Variants in PCDH7 observed in about 807,000 individuals in gnomAD.
PCDH7 encodes the protein protocadherin 7.
A neutral mutation model predicts 58.9 loss-of-function variants in PCDH7; 17 were observed. The observed-to-expected ratio is 0.29, with a 90% CI of 0.20 to 0.43. PCDH7 has a LOEUF of 0.43. Ranked by LOEUF, PCDH7 falls within the 20% of genes least tolerant of loss-of-function variation. PCDH7 has a pLI of 1.00. For missense variants in PCDH7, 1,274 were observed against 1,441.0 expected, an observed-to-expected ratio of 0.88 and a Z score of 1.88; for synonymous variants, 664 against 616.4, an observed-to-expected ratio of 1.08 and a Z score of -1.14.
chr4:31,128,877 G>A (rs2109333837), intron 3 of PCDH7, among the ~76,000 whole-genome samples: 1 of 152,290 alleles, frequency 6.6e-6, no homozygotes, highest in South Asian at 2.1e-4. Flanking sequence ...GGTCCTAAAA[G>A]GGGATGAGGA....
chr4:30,796,695 A>T (rs910992243), intron 1 of PCDH7, among the ~76,000 whole-genome samples: 1 of 152,154 alleles, frequency 6.6e-6, no homozygotes, highest in African/African-American at 2.4e-5. Context: ...TAATACGTAA[A>T]TTTTAAATGT....
chr4:31,002,080 C>T (rs1211896621), intron 3 of PCDH7, among the ~76,000 whole-genome samples: 1 of 152,144 alleles, frequency 6.6e-6, no homozygotes. Context: ...CCATAGATAA[C>T]AATTGCTCCC....
chr4:30,814,428 GTTTA>G (rs1727417317), intron 1 of PCDH7, among the ~76,000 whole-genome samples: 1 of 151,936 alleles, frequency 6.6e-6, no homozygotes, highest in South Asian at 2.1e-4. Flanking sequence ...AGCTCCTTTA[GTTTA>G]TTTTACTCTT....
chr4:30,808,969 T>G (rs145391401), intron 1 of PCDH7, among the ~76,000 whole-genome samples: 1 of 152,302 alleles, frequency 6.6e-6, no homozygotes, highest in East Asian at 1.9e-4. Context: ...GTAATTCTAT[T>G]AACAGTTTCT....
At chr4:30,867,038 T>C (rs1734969378) in intron 1 of PCDH7, among the ~76,000 whole-genome samples, 1 of 152,086 alleles carries the variant, frequency 6.6e-6, no homozygotes, top group South Asian at 2.1e-4. Flanking sequence ...GAAAATTGTT[T>C]TCTACACCTT....
At chr4:31,039,950 T>C (rs1371193394) in intron 3 of PCDH7, among the ~76,000 whole-genome samples, 3 of 152,110 alleles carry the variant, frequency 2.0e-5, no homozygotes, top group Non-Finnish European at 2.9e-5. Context: ...CTGCACTCAG[T>C]TTAAAGGTTA....
At chr4:31,010,023 T>A (rs940582817) in intron 3 of PCDH7, among the ~76,000 whole-genome samples, 2 of 152,000 alleles carry the variant, frequency 1.3e-5, no homozygotes, top group Non-Finnish European at 1.5e-5. Context: ...TACTGAATCA[T>A]AAGATTTCAA....
chr4:31,069,272 C>G (rs966239603), intron 3 of PCDH7, among the ~76,000 whole-genome samples: 5 of 152,002 alleles, frequency 3.3e-5, no homozygotes, highest in African/African-American at 9.7e-5. Context: ...AACACTAATG[C>G]ATGGAGAAAC....
intron 1 of PCDH7, among the ~76,000 whole-genome samples, chr4:30,795,145 A>G (rs974500029): frequency 2.0e-5 from 3 of 152,106 alleles, no homozygotes; most frequent in East Asian, 3.9e-4. Context: ...GTGTTTGTTT[A>G]TTTATTTGTA....
intron 3 of PCDH7, among the ~76,000 whole-genome samples, chr4:30,979,037 A>T (rs1750316696): frequency 6.6e-6 from 1 of 152,162 alleles, no homozygotes; most frequent in Non-Finnish European, 1.5e-5. Context: ...GTGAGAAAAG[A>T]TTAGTGAGGC....
intron 1 of PCDH7, among the ~76,000 whole-genome samples, chr4:30,754,829 G>A (rs1719063657): frequency 6.6e-6 from 1 of 151,946 alleles, no homozygotes; most frequent in Non-Finnish European, 1.5e-5. Flanking sequence ...ATTTTTGATG[G>A]GTGTACCTAA....
At chr4:31,009,422 T>G (rs1753011003) in intron 3 of PCDH7, among the ~76,000 whole-genome samples, 1 of 151,946 alleles carries the variant, frequency 6.6e-6, no homozygotes. Flanking sequence ...TACATTCACA[T>G]ACACACAGAG....
intron 3 of PCDH7, among the ~76,000 whole-genome samples, chr4:31,068,815 G>T (rs550121746): frequency 6.6e-6 from 1 of 151,918 alleles, no homozygotes; most frequent in Middle Eastern, 3.2e-3. Context: ...TTGTTCCAGG[G>T]ATAGATTATA....
chr4:31,098,679 G>A (rs1256335098), intron 3 of PCDH7, among the ~76,000 whole-genome samples: 1 of 152,102 alleles, frequency 6.6e-6, no homozygotes, highest in Non-Finnish European at 1.5e-5. Context: ...AAGAAAGTGA[G>A]CCTTGTTTCC....
intron 1 of PCDH7, among the ~76,000 whole-genome samples, chr4:30,866,729 G>A (rs373808227): frequency 6.6e-6 from 1 of 150,748 alleles, no homozygotes; most frequent in African/African-American, 2.4e-5. Context: ...TCCTTTTGAT[G>A]TGTTTTTACT....
chr4:31,062,185 C>T (rs572408662), intron 3 of PCDH7, among the ~76,000 whole-genome samples: 4 of 151,660 alleles, frequency 2.6e-5, no homozygotes, highest in South Asian at 4.1e-4. Context: ...AGTATGATAA[C>T]CATCTATTAC....
intron 1 of PCDH7, among the ~76,000 whole-genome samples, chr4:30,865,633 A>G (rs1397043565): frequency 6.6e-6 from 1 of 152,080 alleles, no homozygotes; most frequent in Non-Finnish European, 1.5e-5. Flanking sequence ...ATTCTTAATA[A>G]TTTACAGTGT....
chr4:30,787,785 G>T (rs1040266663), intron 1 of PCDH7, among the ~76,000 whole-genome samples: 2 of 152,016 alleles, frequency 1.3e-5, no homozygotes, highest in African/African-American at 2.4e-5. Context: ...ATGTGTGCGT[G>T]TACAAGTGGA....
intron 1 of PCDH7, among the ~76,000 whole-genome samples, chr4:30,836,882 A>G (rs1577992666): frequency 6.6e-6 from 1 of 152,188 alleles, no homozygotes; most frequent in Admixed American, 6.5e-5. Context: ...TTTTATTTCA[A>G]CAGCCAAGCC....
Sources: gnomAD v4.1 joint callset for allele counts (sites outside exome capture counted in the v4.1 genomes callset) on GRCh38, gnomAD v4.1.1 for gene constraint, MANE v1.5 for transcripts, NCBI Gene and HGNC (gene_info 2026-07-23, HGNC 2026-07-21) for gene names.